PIAS1: variants seen among roughly 807,000 people sequenced by gnomAD.
PIAS1 encodes E3 SUMO-protein ligase PIAS1.
PIAS1 carries 6 observed loss-of-function variants against 71.3 expected under a neutral mutation model. The observed-to-expected ratio is 0.08, with a 90% CI of 0.05 to 0.17. The LOEUF is 0.17. Among genes scored for constraint, PIAS1 ranks in the 10% least tolerant of loss-of-function variants. The pLI, the probability that PIAS1 is intolerant of heterozygous loss-of-function variation, is 1.00. For synonymous variants in PIAS1, 303 were observed against 292.9 expected, an observed-to-expected ratio of 1.03 and a Z score of -0.35; for missense variants, 555 against 793.6, an observed-to-expected ratio of 0.70 and a Z score of 3.61.
rs1279796303 is a variant in PIAS1, at chr15:68,065,602, AAG to A, written c.24+11254_24+11255del. On this transcript the variant is annotated intron_variant, in intron 1 of 13. Coordinates refer to ENST00000249636, the MANE Select transcript of PIAS1 (RefSeq NM_016166.3). ...CCCTGTCTCGAGAAAAAAAAAAAAA[AAG>A]AAAAAATTTATTTCTAGTGATCTCT... Among the ~76,000 whole-genome samples, 5 of 151,836 alleles carry A rather than the reference AAG, an allele frequency of 3.3e-5. No individual in the cohort carries two copies. In the East Asian group the frequency reaches 5.8e-4, roughly 18 times the overall value.
chr15:68,123,409 T>G (rs1364041386), intron 2 of PIAS1, among the ~76,000 whole-genome samples: 3 of 152,188 alleles, frequency 2.0e-5, no homozygotes, highest in Non-Finnish European at 4.4e-5. Flanking sequence ...CACAAAGTTA[T>G]GAGTTTACTG....
chr15:68,130,026 A>G (rs1376556396), intron 2 of PIAS1, among the ~76,000 whole-genome samples: 1 of 152,034 alleles, frequency 6.6e-6, no homozygotes, highest in Admixed American at 6.6e-5. Flanking sequence ...AATTGGAAAT[A>G]AAAAAGATAT....
intron 2 of PIAS1, among the ~76,000 whole-genome samples, chr15:68,099,475 G>A (rs1175588510): frequency 1.3e-5 from 2 of 151,764 alleles, no homozygotes; most frequent in Non-Finnish European, 2.9e-5. Context: ...ATGATTCATG[G>A]TATGGATATA....
At chr15:68,075,823 G>T (rs534605891) in intron 1 of PIAS1, among the ~76,000 whole-genome samples, 1 of 144,400 alleles carries the variant, frequency 6.9e-6, no homozygotes, top group Non-Finnish European at 1.5e-5. Flanking sequence ...ACTCTGCTGC[G>T]CAGGCTGGAG....
Position 68,188,061 on chromosome 15 carries a change from G to GA in PIAS1, c.*226_*227insA. 1 of 298,592 alleles carries GA rather than the reference G, an allele frequency of 3.3e-6. No homozygotes were observed. Among genetic ancestry groups the GA allele is most frequent in the Admixed American group, 5.0e-5 (1 of 19,970 alleles). 18.5% of individuals were successfully genotyped at this position (298,592 alleles called of 1,614,324 possible). ...AGACTGCCTGTGTGATAAAACACTT[G>GA]TTTAAAAAAAAAAAGGAAAGAAAAG... On this transcript the variant is annotated 3_prime_UTR_variant, in exon 14 of 14. Transcript: ENST00000249636.
In PIAS1 at chr15:68,183,056, C is replaced by T. The variant is rs868795006; in HGVS notation, c.1625-574C>T. ...CTCCTTGCAGTGAATCCTCAGCAGC[C>T]AGGTAGCAGAACTACTCCTTCTTAT... On this transcript the variant is annotated intron_variant, in intron 12 of 13. Coordinates refer to ENST00000249636, the MANE Select transcript of PIAS1 (RefSeq NM_016166.3). 2.0e-5 allele frequency among the ~76,000 whole-genome samples: 3 copies of T among 152,314 alleles called. No individual in the cohort carries two copies. In the South Asian group the frequency reaches 6.2e-4, roughly 32 times the overall value.
chr15:68,055,933 T>G, intron 1 of PIAS1: 1 of 700,252 alleles, frequency 1.4e-6, no homozygotes, highest in Non-Finnish European at 2.6e-6. Flanking sequence ...TTGAGTGTCA[T>G]TCTTTTAAAA....
At chr15:68,166,938 G>T (rs887793894) in intron 8 of PIAS1, among the ~76,000 whole-genome samples, 1 of 152,168 alleles carries the variant, frequency 6.6e-6, no homozygotes, top group South Asian at 2.1e-4. Context: ...CAGTGCTCCT[G>T]CTTCAACCCC....
chr15:68,132,460 G>A (rs1396585730), intron 2 of PIAS1, among the ~76,000 whole-genome samples: 1 of 151,812 alleles, frequency 6.6e-6, no homozygotes, highest in Non-Finnish European at 1.5e-5. Flanking sequence ...GGGTGACAGA[G>A]TGAGACTCTG....
chr15:68,079,159 G>GTATTGCACATTTATTCA (rs2092201645), intron 1 of PIAS1, among the ~76,000 whole-genome samples: 2 of 151,094 alleles, frequency 1.3e-5, no homozygotes, highest in Non-Finnish European at 2.9e-5. Flanking sequence ...CCATTATATT[G>GTATTGCACATTTATTCA]TATTGCACAT....
intron 8 of PIAS1, among the ~76,000 whole-genome samples, chr15:68,170,229 T>G (rs1362312507): frequency 6.6e-6 from 1 of 152,146 alleles, no homozygotes; most frequent in East Asian, 1.9e-4. Context: ...AAATGCACTA[T>G]TAGGGGATTT....
Position 68,174,021 on chromosome 15 carries a change from A to G in PIAS1, c.1169+129A>G. On this transcript the variant is annotated intron_variant, in intron 9 of 13. Coordinates refer to ENST00000249636, the MANE Select transcript of PIAS1 (RefSeq NM_016166.3). This position sits in a 1 kb window ranked among gnomAD's most constrained non-coding sequence, Gnocchi z 4.0. ...GATTTTTGTGAGTCTGCAAACCAAT[A>G]TTTTCAAAGTAATTTATTTCAAATT... 5 of 473,912 alleles carry G rather than the reference A, an allele frequency of 1.1e-5. No individual in the cohort carries two copies. The highest frequency in any genetic ancestry group is 1.8e-5 in the Non-Finnish European group (5 of 281,162). The allele number at this position is 473,912 out of a possible 1,614,324, so 29.4% of individuals were successfully genotyped here. A position where few individuals can be genotyped will look rare whatever the true frequency, so the allele number is the denominator to read the frequency against.
In PIAS1 at chr15:68,173,291, G is replaced by T. The variant is rs962358238; in HGVS notation, c.1009-441G>T. On this transcript the variant is annotated intron_variant, in intron 8 of 13. Coordinates refer to ENST00000249636, the MANE Select transcript of PIAS1 (RefSeq NM_016166.3). The surrounding 1 kb of genome is among the most constrained non-coding windows in gnomAD (Gnocchi z 4.3). ...GATTGCTTGAGCCCAGGAGTTTGAG[G>T]CTGTAGTGTGCTACGATTGTGCCTG... is the stretch of plus-strand genomic sequence containing the variant. 2.0e-5 allele frequency among the ~76,000 whole-genome samples: 3 copies of T among 152,006 alleles called. No homozygotes were observed. The highest frequency in any genetic ancestry group is 7.2e-5 in the African/African-American group (3 of 41,390).
rs2093125848 is a variant in PIAS1 at position 68,192,662 on chromosome 15, G to A, written c.*4827G>A. The A allele has an allele frequency of 6.6e-6, 1 of 152,174 alleles. No individual in the cohort carries two copies. The highest frequency in any genetic ancestry group is 1.5e-5 in the Non-Finnish European group (1 of 68,044). 9.4% of individuals were successfully genotyped at this position (152,174 alleles called of 1,614,324 possible). A position where few individuals can be genotyped will look rare whatever the true frequency, so the allele number is the denominator to read the frequency against. ...CAGTTGCACTAACACTACAACTCTT[G>A]TTCCCTGCAGTTTTCCCTGTGCCCG... On this transcript the variant is annotated 3_prime_UTR_variant, in exon 14 of 14. Transcript: ENST00000249636.
chr15:68,108,504 T>A (rs1041707845), intron 2 of PIAS1, among the ~76,000 whole-genome samples: 13 of 152,116 alleles, frequency 8.5e-5, no homozygotes, highest in Non-Finnish European at 2.9e-5. Flanking sequence ...CCTTGATGAT[T>A]TGAACTAGTC....
At chr15:68,153,826 G>C (rs755692370) in intron 7 of PIAS1, 131 bp downstream of exon 7, 111 of 552,646 alleles carry the variant, frequency 2.0e-4, no homozygotes, top group Non-Finnish European at 3.0e-4. Flanking sequence ...GAGTAGTTCT[G>C]ATATCTTTGT....
intron 1 of PIAS1, chr15:68,057,465 C>T: frequency 2.3e-6 from 1 of 437,256 alleles, no homozygotes; most frequent in South Asian, 1.7e-5. Flanking sequence ...GTTATAGTGC[C>T]ATTTTAATTT....
Position 68,181,316 on chromosome 15 carries a change from A to T in PIAS1, c.1586A>T (p.His529Leu). Residue 529 changes from histidine to leucine, a missense_variant, in exon 12 of 14, where the codon CAT becomes CTT. Physicochemically the swap from His to Leu is moderately conservative, Grantham distance 99. This residue lies in a region of PIAS1 where 244 missense variants were observed against 307.5 expected (regional missense o/e 0.79). Transcript: ENST00000249636. ...INTSLIQDYRHPFHMTPMPYD... is the reference protein window; with the variant it reads ...INTSLIQDYRLPFHMTPMPYD... ...ACCTCCCTCATCCAAGACTATAGGC[A>T]TCCTTTCCACATGACACCCATGCCT... The T allele has an allele frequency of 1.9e-6, 3 of 1,613,864 alleles. No individual in the cohort carries two copies. Among genetic ancestry groups the T allele is most frequent in the Non-Finnish European group, 2.5e-6 (3 of 1,179,764 alleles).
intron 10 of PIAS1, 137 bp from the exon 11 acceptor site, chr15:68,176,337 A>G: frequency 2.2e-6 from 1 of 455,312 alleles, no homozygotes; most frequent in Non-Finnish European, 3.9e-6. Flanking sequence ...AGAAGAACAG[A>G]GCCACTGTTG....
Sources: gnomAD v4.1 joint callset for allele counts (sites outside exome capture counted in the v4.1 genomes callset) on GRCh38, gnomAD v4.1.1 for gene constraint, gnomAD v4.1.1 regional missense constraint, Gnocchi (gnomAD v3.1) non-coding constraint, MANE v1.5 for transcripts, NCBI Gene and HGNC (gene_info 2026-07-23, HGNC 2026-07-21) for gene names.